The following FHIT variants were observed in gnomAD, a reference collection of about 807,000 sequenced individuals.
FHIT encodes fragile histidine triad diadenosine triphosphatase.
In FHIT, 19 loss-of-function variants were observed where a neutral mutation model predicts 17.9. The ratio of observed to expected loss-of-function variants is 1.06; its 90% CI spans 0.74 to 1.56. The LOEUF (loss-of-function observed/expected upper bound fraction) is 1.56, where lower values mean the gene tolerates loss of function less well. Among genes scored for constraint, FHIT ranks in the 40% most tolerant of loss-of-function variants. FHIT has a pLI of 0.00. For missense variants in FHIT, 248 were observed against 189.2 expected (o/e 1.31, Z -1.82); for synonymous variants, 81 against 69.7 (o/e 1.16, Z -0.81).
chr3:60,765,834 GC>G, intron 4 of FHIT, among the ~76,000 whole-genome samples: 1 of 152,192 alleles, frequency 6.6e-6, no homozygotes, highest in Non-Finnish European at 1.5e-5. Flanking sequence ...GGAAGAAGGT[GC>G]GATAAGCTGG....
At chr3:60,699,147 A>G (rs1426962662) in intron 4 of FHIT, among the ~76,000 whole-genome samples, 3 of 152,204 alleles carry the variant, frequency 2.0e-5, no homozygotes, top group African/African-American at 7.2e-5. Context: ...GAATTTATTT[A>G]AATACCCAAC....
At chr3:60,123,979 T>A (rs1208176156) in intron 5 of FHIT, among the ~76,000 whole-genome samples, 11 of 27,510 alleles carry the variant, frequency 4.0e-4, no homozygotes, top group African/African-American at 1.5e-3. Flanking sequence ...TATATATATA[T>A]ATATATATAT....
intron 4 of FHIT, among the ~76,000 whole-genome samples, chr3:60,821,549 C>A (rs1410304913): frequency 6.6e-6 from 1 of 152,240 alleles, no homozygotes; most frequent in Non-Finnish European, 1.5e-5. Flanking sequence ...ACTGTTTAAC[C>A]TTACTTTTTA....
intron 5 of FHIT, among the ~76,000 whole-genome samples, chr3:60,205,968 T>A (rs1222390436): frequency 2.7e-5 from 4 of 148,594 alleles, no homozygotes; most frequent in East Asian, 2.0e-4. Flanking sequence ...TAAAAAAAAA[T>A]AAAAAAATAA....
chr3:60,813,219 A>C (rs1553736583), intron 4 of FHIT, among the ~76,000 whole-genome samples: 1 of 151,306 alleles, frequency 6.6e-6, no homozygotes, highest in African/African-American at 2.4e-5. Flanking sequence ...CCTCCATGGG[A>C]TGACAAGCAC....
intron 1 of FHIT, among the ~76,000 whole-genome samples, chr3:61,206,033 A>G (rs1346278335): frequency 8.3e-6 from 1 of 119,988 alleles, no homozygotes; most frequent in Non-Finnish European, 1.8e-5. Flanking sequence ...AGCTTTCTAC[A>G]TATGGCTGCC....
intron 5 of FHIT, among the ~76,000 whole-genome samples, chr3:60,199,441 C>A (rs1702796937): frequency 6.6e-6 from 1 of 152,114 alleles, no homozygotes; most frequent in Non-Finnish European, 1.5e-5. Flanking sequence ...CCTTTGGAAT[C>A]ACAGGAGTTG....
rs1054825844 is a variant in FHIT at position 60,601,210 on chromosome 3, C to A, written c.-17-64231G>T. On this transcript the variant is annotated intron_variant, in intron 4 of 9. Transcript: ENST00000492590. ...CAGGGATCAGGTCGCCCAGTGTGGG[C>A]TGCACCCTGCTTCCCCACAGCCTTC... 3.3e-5 allele frequency among the ~76,000 whole-genome samples: 5 copies of A among 152,296 alleles called. No individual in the cohort carries two copies. The South Asian group carries it at 8.3e-4, about 25-fold the overall frequency.
At chr3:59,945,898 T>C (rs566252424) in intron 7 of FHIT, among the ~76,000 whole-genome samples, 2 of 152,328 alleles carry the variant, frequency 1.3e-5, no homozygotes, top group South Asian at 2.1e-4. Context: ...AGTCTGGTTT[T>C]GTACCAGTAC....
chr3:60,497,740 A>G (rs1434843922), intron 5 of FHIT, among the ~76,000 whole-genome samples: 2 of 152,186 alleles, frequency 1.3e-5, no homozygotes, highest in Non-Finnish European at 2.9e-5. Flanking sequence ...GCAGATCATA[A>G]TAATTCCAGG....
intron 5 of FHIT, among the ~76,000 whole-genome samples, chr3:60,153,412 T>C (rs1700553469): frequency 6.7e-6 from 1 of 149,472 alleles, no homozygotes; most frequent in African/African-American, 2.5e-5. Context: ...AAAGAGGTGC[T>C]ACACTCAGCT....
intron 5 of FHIT, among the ~76,000 whole-genome samples, chr3:60,323,285 T>C (rs1709517071): frequency 6.6e-6 from 1 of 152,132 alleles, no homozygotes; most frequent in African/African-American, 2.4e-5. Flanking sequence ...AGCGTCTAAG[T>C]GCTTGACTAA....
chr3:60,076,131 C>G (rs1237640526), intron 5 of FHIT, among the ~76,000 whole-genome samples: 2 of 151,990 alleles, frequency 1.3e-5, no homozygotes, highest in Non-Finnish European at 2.9e-5. Context: ...ATTAGGAAAG[C>G]CATTAAGAAA....
At chr3:60,552,163 C>T (rs2036581869) in intron 4 of FHIT, among the ~76,000 whole-genome samples, 1 of 152,080 alleles carries the variant, frequency 6.6e-6, no homozygotes, top group Non-Finnish European at 1.5e-5. Flanking sequence ...ATGTATTCAT[C>T]CTTTATTCCT....
chr3:60,022,037 G>A (rs1403064004), intron 5 of FHIT, among the ~76,000 whole-genome samples: 1 of 152,136 alleles, frequency 6.6e-6, no homozygotes, highest in Non-Finnish European at 1.5e-5. Context: ...ATGCAGCACT[G>A]CTCAAATTTG....
At chr3:60,698,832 G>C (rs1339303777) in intron 4 of FHIT, among the ~76,000 whole-genome samples, 1 of 152,004 alleles carries the variant, frequency 6.6e-6, no homozygotes, top group African/African-American at 2.4e-5. Flanking sequence ...CTTAATAAAA[G>C]TGTATCAAGC....
chr3:60,505,794 G>A (rs6792440), intron 5 of FHIT, among the ~76,000 whole-genome samples: 67,845 of 151,942 alleles, frequency 0.45, 15,433 homozygotes, highest in African/African-American at 0.51. Context: ...GGCATCCATT[G>A]GTATTGCAAT....
At chr3:60,969,978 C>T (rs1709928732) in intron 3 of FHIT, among the ~76,000 whole-genome samples, 1 of 152,132 alleles carries the variant, frequency 6.6e-6, no homozygotes, top group African/African-American at 2.4e-5. Flanking sequence ...GATCCTCCCA[C>T]CTCAGCCTTC....
At chr3:60,283,062 T>G (rs1007516195) in intron 5 of FHIT, among the ~76,000 whole-genome samples, 2 of 152,116 alleles carry the variant, frequency 1.3e-5, no homozygotes, top group African/African-American at 4.8e-5. Context: ...TCATCCTGAA[T>G]GAAGAAAGAC....
Sources: allele counts gnomAD v4.1 joint callset (sites outside exome capture counted in the v4.1 genomes callset), GRCh38; gene constraint gnomAD v4.1.1; transcripts MANE v1.5; gene names NCBI Gene and HGNC (gene_info 2026-07-23, HGNC 2026-07-21).